TUBGCP3: variants seen among roughly 807,000 people sequenced by gnomAD.
TUBGCP3 encodes the protein tubulin gamma complex component 3.
TUBGCP3 carries 50 observed loss-of-function variants against 123.1 expected under a neutral mutation model. The ratio of observed to expected loss-of-function variants is 0.41; its 90% CI spans 0.32 to 0.51. TUBGCP3 has a LOEUF of 0.51. Among genes scored for constraint, TUBGCP3 ranks in the 20% least tolerant of loss-of-function variants. The pLI is 0.36. For synonymous variants in TUBGCP3, 405 were observed against 413.9 expected (o/e 0.98, Z 0.26); for missense variants, 882 against 1,127.0 (o/e 0.78, Z 3.11).
chr13:112,566,759 T>C lies in TUBGCP3; in HGVS notation c.185-1581A>G, dbSNP rs79740994. Among the ~76,000 whole-genome samples, 1,202 of 152,294 alleles carry C rather than the reference T, an allele frequency of 7.9e-3. 14 individuals are homozygous for C. Among genetic ancestry groups the C allele is most frequent in the African/African-American group, 0.027 (1,138 of 41,564 alleles). ...TAAAATAAGAATAAAAATGAACGCA[T>C]AGTATTTACAAAATAAGTGATGTTT... On this transcript the variant is annotated intron_variant, in intron 2 of 21. Transcript: ENST00000261965.
At chr13:112,504,212 G>C (rs766246765) in intron 18 of TUBGCP3, 49 bp from the exon 19 acceptor site, 1 of 1,611,744 alleles carries the variant, frequency 6.2e-7, no homozygotes, top group Non-Finnish European at 8.5e-7. Context: ...GTCCTTCCTA[G>C]TGTAGCATCA....
chr13:112,537,492 T>C (rs767178489), intron 11 of TUBGCP3, among the ~76,000 whole-genome samples: 1 of 152,222 alleles, frequency 6.6e-6, no homozygotes, highest in African/African-American at 2.4e-5. Context: ...TTGGGATTAA[T>C]TCCACTTGGC....
At chr13:112,586,322 G>T (rs1017107950) in intron 1 of TUBGCP3, among the ~76,000 whole-genome samples, 6 of 152,060 alleles carry the variant, frequency 3.9e-5, no homozygotes, top group African/African-American at 1.5e-4. Flanking sequence ...TATAACAATG[G>T]GAATGTATGA....
chr13:112,537,988 T>C (rs1878207250), intron 11 of TUBGCP3, among the ~76,000 whole-genome samples: 1 of 152,216 alleles, frequency 6.6e-6, no homozygotes, highest in Non-Finnish European at 1.5e-5. Context: ...GGTTTTGCTT[T>C]CCGCCTTTTG....
In TUBGCP3 at chr13:112,500,657, G is replaced by C. The variant is rs552038382; in HGVS notation, c.2308-1472C>G. 4.6e-5 allele frequency among the ~76,000 whole-genome samples: 7 copies of C among 152,288 alleles called. No individual in the cohort carries two copies. The East Asian group carries it at 1.4e-3, about 29-fold the overall frequency. ...GTACTTGAGAAGCATAAAAGAAACC[G>C]AGATAACAGGAGAGGTTCCAAGCCT... On this transcript the variant is annotated intron_variant, in intron 19 of 21. Transcript: ENST00000261965.
chr13:112,489,068 C>T (rs1188454333), intron 21 of TUBGCP3, among the ~76,000 whole-genome samples: 1 of 140,128 alleles, frequency 7.1e-6, no homozygotes, highest in Non-Finnish European at 1.6e-5. Context: ...CAGGGGCCAC[C>T]CCCAGGTCCC....
the TUBGCP3 span, among the ~76,000 whole-genome samples, chr13:112,593,476 C>T: frequency 7.3e-5 from 11 of 151,630 alleles, no homozygotes; most frequent in African/African-American, 9.7e-5. Context: ...AGTTTGAGAC[C>T]AGCCTATCCA....
chr13:112,545,869 G>C lies in TUBGCP3; in HGVS notation c.1169-4C>G. On this transcript the variant is annotated splice_region_variant and splice_polypyrimidine_tract_variant and intron_variant, in intron 10 of 21. Coordinates refer to ENST00000261965, the MANE Select transcript of TUBGCP3 (RefSeq NM_006322.6). The surrounding 1 kb of genome is among the most constrained non-coding windows in gnomAD (Gnocchi z 4.1). ...GCCAGCTCACCTCCTTTCCTTCCTG[G>C]GAGAAATGGAGGAAAATACACAAAA... The C allele has an allele frequency of 6.2e-7, 1 of 1,607,014 alleles. No individual in the cohort carries two copies.
intron 11 of TUBGCP3, among the ~76,000 whole-genome samples, chr13:112,530,812 G>A (rs1205056163): frequency 6.6e-6 from 1 of 152,046 alleles, no homozygotes; most frequent in African/African-American, 2.4e-5. Flanking sequence ...CAAATACACA[G>A]AAAAAATCAG....
upstream of TUBGCP3, among the ~76,000 whole-genome samples, chr13:112,589,157 C>T (rs1882816011): frequency 1.3e-5 from 2 of 152,204 alleles, no homozygotes; most frequent in South Asian, 4.1e-4. Flanking sequence ...TCTGTGGAAA[C>T]GCTTCTAAAC....
chr13:112,555,730 T>C (rs1036151768), intron 6 of TUBGCP3, among the ~76,000 whole-genome samples: 1 of 152,148 alleles, frequency 6.6e-6, no homozygotes, highest in African/African-American at 2.4e-5. Flanking sequence ...TTAAAGACTT[T>C]CCCAGGGAAA....
At chr13:112,522,224 C>T (rs2139069683) in intron 14 of TUBGCP3, 96 bp downstream of exon 14, 1 of 1,090,060 alleles carries the variant, frequency 9.2e-7, no homozygotes, top group Non-Finnish European at 1.2e-6. Context: ...AAGAATTCAA[C>T]TCATTTTCTT....
At chr13:112,535,539 TATA>T (rs991766282) in intron 11 of TUBGCP3, among the ~76,000 whole-genome samples, 18 of 152,256 alleles carry the variant, frequency 1.2e-4, no homozygotes, top group African/African-American at 3.4e-4. Flanking sequence ...TGCATTTCGC[TATA>T]ATAATAATCT....
chr13:112,521,767 A>G, intron 14 of TUBGCP3: 1 of 985,434 alleles, frequency 1.0e-6, no homozygotes, highest in South Asian at 4.7e-5. Flanking sequence ...GCTCATGCCC[A>G]GGCTCACGCT....
Position 112,558,348 on chromosome 13 carries a change from G to C in TUBGCP3, c.396C>G (p.Tyr132Ter), listed in dbSNP as rs1880227110. The C allele has an allele frequency of 1.2e-6, 2 of 1,610,680 alleles. No individual in the cohort carries two copies. The highest frequency in any genetic ancestry group is 1.3e-5 in the African/African-American group (1 of 74,884). The change falls in exon 5 of 22, where the codon TAC becomes TAG. Residue 132 changes from tyrosine to a stop codon, truncating the protein, a stop_gained. Transcript: ENST00000261965. LOFTEE classifies it high-confidence loss of function. ...GGGGAAGGGTCTGAGGCCTGGCATA[G>C]TAGTAAGGGGTTGAGTGGGCATCTC... ...LPRDAHSTPY[Y>*]YARPQTLPLS...
chr13:112,498,813 T>G (rs1452209923), intron 20 of TUBGCP3: 47 of 1,559,310 alleles, frequency 3.0e-5, no homozygotes, highest in Non-Finnish European at 4.1e-5. Context: ...GTAATTCTCA[T>G]GAATGCTGCT....
chr13:112,500,051 T>C (rs888959336), intron 19 of TUBGCP3, among the ~76,000 whole-genome samples: 13 of 152,186 alleles, frequency 8.5e-5, no homozygotes, highest in African/African-American at 2.7e-4. Context: ...GGGATAAAAT[T>C]AAACCCAACA....
chr13:112,501,284 G>T (rs1880888378), intron 19 of TUBGCP3, among the ~76,000 whole-genome samples: 2 of 152,134 alleles, frequency 1.3e-5, no homozygotes, highest in Non-Finnish European at 2.9e-5. Flanking sequence ...TTTTAGTAAA[G>T]ATTTATCTAA....
At chr13:112,503,371 T>C (rs1392472143) in intron 19 of TUBGCP3, among the ~76,000 whole-genome samples, 1 of 152,138 alleles carries the variant, frequency 6.6e-6, no homozygotes, top group African/African-American at 2.4e-5. Context: ...TTGTTGTTGT[T>C]GTTGTTTTGT....
Sources: gnomAD v4.1 joint callset for allele counts (sites outside exome capture counted in the v4.1 genomes callset) on GRCh38, gnomAD v4.1.1 for gene constraint, Gnocchi (gnomAD v3.1) non-coding constraint, MANE v1.5 for transcripts, NCBI Gene and HGNC (gene_info 2026-07-23, HGNC 2026-07-21) for gene names.